The following DACH2 variants were observed in gnomAD, a reference collection of about 807,000 sequenced individuals.
DACH2 encodes the protein dachshund family transcription factor 2.
Under a neutral mutation model 35.8 loss-of-function variants are expected in DACH2, and 17 were observed. That is an observed-to-expected ratio of 0.48 (90% CI 0.33 to 0.71). DACH2 has a LOEUF of 0.71. Ranked by LOEUF, DACH2 falls within the 30% of genes least tolerant of loss-of-function variation. DACH2 has a pLI of 0.02. For synonymous variants in DACH2, 195 were observed against 177.3 expected (o/e 1.10, Z -0.79); for missense variants, 469 against 472.7 (o/e 0.99, Z 0.07).
chrX:86,473,477 T>C (rs942085148), intron 2 of DACH2, among the ~76,000 whole-genome samples: 3 of 111,304 alleles, frequency 2.7e-5, no homozygotes, highest in African/African-American at 9.8e-5. Context: ...TACTGTATTT[T>C]TATACCCATT....
intron 3 of DACH2, among the ~76,000 whole-genome samples, chrX:86,527,699 C>G (rs1237442588): frequency 9.0e-6 from 1 of 111,172 alleles, no homozygotes. Context: ...TTTCATTTAC[C>G]TTGATTAAAA....
rs1251390234 is a variant in DACH2, at chrX:86,814,538, C to T, written c.1538-150C>T. 4 of 551,046 alleles carry T rather than the reference C, an allele frequency of 7.3e-6. No individual in the cohort carries two copies. The Admixed American group carries it at 1.2e-4, about 16-fold the overall frequency. The allele number at this position is 551,046 out of a possible 1,213,427, so 45.4% of individuals were successfully genotyped here. A position where few individuals can be genotyped will look rare whatever the true frequency, so the allele number is the denominator to read the frequency against. On this transcript the variant is annotated intron_variant, in intron 9 of 11. Transcript: ENST00000373125. ...GCACTCCTTAGATGACCCTAATGAG[C>T]ATTAGTACCAAAAGAACGCTAATCA...
intron 1 of DACH2, among the ~76,000 whole-genome samples, chrX:86,182,422 A>G (rs185042253): frequency 9.0e-6 from 1 of 111,695 alleles, no homozygotes; most frequent in Non-Finnish European, 1.9e-5. Context: ...AGTTTTCCCA[A>G]CACCATTTAT....
At chrX:86,410,418 T>C (rs1450756891) in intron 2 of DACH2, among the ~76,000 whole-genome samples, 2 of 111,811 alleles carry the variant, frequency 1.8e-5, no homozygotes, top group Non-Finnish European at 3.8e-5. Flanking sequence ...AAATTAAACA[T>C]TGTTGCCTAA....
intron 1 of DACH2, among the ~76,000 whole-genome samples, chrX:86,315,599 T>C (rs1179639515): frequency 9.0e-6 from 1 of 111,687 alleles, no homozygotes; most frequent in East Asian, 2.8e-4. Context: ...ATTAAGAACA[T>C]TTGTGACTTA....
intron 7 of DACH2, among the ~76,000 whole-genome samples, chrX:86,775,171 C>T (rs889173076): frequency 2.0e-5 from 2 of 98,080 alleles, no homozygotes; most frequent in African/African-American, 3.8e-5. Flanking sequence ...TGTGTAGTCT[C>T]GAAGGGCTTT....
At chrX:86,477,126 A>G (rs2037855368) in intron 2 of DACH2, among the ~76,000 whole-genome samples, 1 of 109,653 alleles carries the variant, frequency 9.1e-6, no homozygotes, top group African/African-American at 3.3e-5. Context: ...TGTAGCTATT[A>G]TATAAAATGA....
intron 7 of DACH2, among the ~76,000 whole-genome samples, chrX:86,792,629 G>T (rs2042197310): frequency 9.0e-6 from 1 of 111,400 alleles, no homozygotes; most frequent in Admixed American, 9.6e-5. Flanking sequence ...TATAATATTT[G>T]TATTTCAGTA....
chrX:86,766,174 A>G, intron 7 of DACH2, among the ~76,000 whole-genome samples: 1 of 111,293 alleles, frequency 9.0e-6, no homozygotes, highest in Non-Finnish European at 1.9e-5. Flanking sequence ...AATTCTGCCC[A>G]TGCCCACACC....
intron 7 of DACH2, among the ~76,000 whole-genome samples, chrX:86,793,960 G>C (rs372238215): frequency 1.8e-5 from 2 of 112,010 alleles, no homozygotes; most frequent in East Asian, 5.6e-4. Context: ...TCAAAAGCAA[G>C]ACATGTAAAA....
rs141420060 is a variant in DACH2 at position 86,390,111 on chromosome X, G to A, written c.527+13249G>A. Among the ~76,000 whole-genome samples, 873 of 111,320 alleles carry A rather than the reference G, an allele frequency of 7.8e-3. 7 individuals are homozygous for A. Among genetic ancestry groups the A allele is most frequent in the African/African-American group, 0.02 (606 of 30,613 alleles). ...AGAAGATCTACTCTTATTAGCTCTC[G>A]TTTAAAACAGGGTGGAAGCATTGTC... On this transcript the variant is annotated intron_variant, in intron 2 of 11. Coordinates refer to ENST00000373125, the MANE Select transcript of DACH2 (RefSeq NM_053281.3).
chrX:86,760,562 A>G (rs956015415), intron 7 of DACH2, among the ~76,000 whole-genome samples: 2 of 111,419 alleles, frequency 1.8e-5, no homozygotes, highest in African/African-American at 6.5e-5. Flanking sequence ...AGATTTTTTA[A>G]TCATGTCTAT....
chrX:86,650,923 G>A (rs1488371873), intron 3 of DACH2, 113 bp from the exon 4 acceptor site: 1 of 645,154 alleles, frequency 1.6e-6, no homozygotes, highest in African/African-American at 2.3e-5. Context: ...TCAAGCCTCA[G>A]TATCATGCAA....
At chrX:86,527,674 T>G (rs59010428) in intron 3 of DACH2, among the ~76,000 whole-genome samples, 113 of 112,245 alleles carry the variant, frequency 1.0e-3, no homozygotes, top group African/African-American at 3.4e-3. Flanking sequence ...ATGTATACAT[T>G]TTGTGTGGAA....
chrX:86,474,410 G>A (rs970288894), intron 2 of DACH2, among the ~76,000 whole-genome samples: 13 of 111,746 alleles, frequency 1.2e-4, no homozygotes, highest in Admixed American at 5.7e-4. Context: ...TGTGTTTGTG[G>A]AGTATTAAGA....
At position 86,832,279 on chromosome X, in the gene DACH2, TTAATC is replaced by T; in HGVS notation, c.*127_*131del. 1.5e-5 allele frequency: 8 copies of T among 537,587 alleles called. No homozygotes were observed. In the South Asian group the frequency reaches 2.3e-4, roughly 16 times the overall value. The allele number at this position is 537,587 out of a possible 1,213,427, so 44.3% of individuals were successfully genotyped here. A position where few individuals can be genotyped will look rare whatever the true frequency, so the allele number is the denominator to read the frequency against. ...AAGCTTTGTTTACTGAAGGAGCTAT[TTAATC>T]TATGTTACATTAAAAAAGAAACGCG... On this transcript the variant is annotated 3_prime_UTR_variant, in exon 12 of 12. Coordinates refer to ENST00000373125, the MANE Select transcript of DACH2 (RefSeq NM_053281.3).
chrX:86,505,318 C>T (rs1278660854), intron 2 of DACH2, among the ~76,000 whole-genome samples: 1 of 111,863 alleles, frequency 8.9e-6, no homozygotes, highest in Non-Finnish European at 1.9e-5. Context: ...ATCTTCTTAG[C>T]TATTTTTAAT....
chrX:86,737,810 T>G (rs1402308909), intron 6 of DACH2, among the ~76,000 whole-genome samples: 3 of 111,924 alleles, frequency 2.7e-5, no homozygotes, highest in Non-Finnish European at 5.6e-5. Flanking sequence ...GTTTTTTACA[T>G]GAATATATTA....
intron 1 of DACH2, among the ~76,000 whole-genome samples, chrX:86,303,814 C>A (rs1176126480): frequency 9.1e-6 from 1 of 110,264 alleles, no homozygotes; most frequent in African/African-American, 3.3e-5. Flanking sequence ...ATAATAAATA[C>A]TATTCAAAGC....
Sources: gnomAD v4.1 joint callset for allele counts (sites outside exome capture counted in the v4.1 genomes callset) on GRCh38, gnomAD v4.1.1 for gene constraint, MANE v1.5 for transcripts, NCBI Gene and HGNC (gene_info 2026-07-23, HGNC 2026-07-21) for gene names.